The following TULP4 variants were observed in gnomAD, a reference collection of about 807,000 sequenced individuals.
The protein encoded by TULP4 is tubby-related protein 4.
TULP4 carries 16 observed loss-of-function variants against 129.0 expected under a neutral mutation model. That is an observed-to-expected ratio of 0.12 (90% CI 0.08 to 0.19). The LOEUF is 0.19. Ranked by LOEUF, TULP4 falls within the 10% of genes least tolerant of loss-of-function variation. TULP4 has a pLI of 1.00. For synonymous variants in TULP4, 998 were observed against 854.0 expected (o/e 1.17, Z -2.94); for missense variants, 1,842 against 2,059.1 (o/e 0.89, Z 2.04).
intron 1 of TULP4, chr6:158,398,374 T>C (rs964832155): frequency 1.3e-5 from 2 of 152,320 alleles, no homozygotes; most frequent in African/African-American, 4.8e-5. Flanking sequence ...CAGGCTCCTG[T>C]TGGCTAGTTC....
At chr6:158,289,570 TG>T (rs1324516775) in intron 1 of TULP4, among the ~76,000 whole-genome samples, 6 of 152,184 alleles carry the variant, frequency 3.9e-5, no homozygotes, top group Non-Finnish European at 7.3e-5. Context: ...CATAAGTTGT[TG>T]TTGTTGTTTT....
intron 3 of TULP4, among the ~76,000 whole-genome samples, chr6:158,448,269 C>T (rs1413859088): frequency 5.3e-5 from 8 of 152,198 alleles, no homozygotes; most frequent in African/African-American, 9.7e-5. Flanking sequence ...CAGCCCTCAG[C>T]ACACTGTGGT....
chr6:158,373,478 T>C (rs1012732817), intron 1 of TULP4, among the ~76,000 whole-genome samples: 2 of 152,214 alleles, frequency 1.3e-5, no homozygotes, highest in Non-Finnish European at 2.9e-5. Flanking sequence ...GTCGAATCAG[T>C]CATCGTCGTC....
At chr6:158,496,211 G>T (rs1194811927) in intron 11 of TULP4, among the ~76,000 whole-genome samples, 4 of 152,242 alleles carry the variant, frequency 2.6e-5, no homozygotes, top group South Asian at 2.1e-4. Flanking sequence ...TGTCTGCAAG[G>T]CCAGCTCAGC....
At chr6:158,386,813 T>C (rs1777460030) in intron 1 of TULP4, among the ~76,000 whole-genome samples, 2 of 152,152 alleles carry the variant, frequency 1.3e-5, no homozygotes, top group African/African-American at 2.4e-5. Context: ...AATAATAGCT[T>C]CTATCTCATA....
At chr6:158,479,628 C>A in intron 6 of TULP4, 123 bp from the exon 7 acceptor site, 1 of 880,954 alleles carries the variant, frequency 1.1e-6, no homozygotes, top group Non-Finnish European at 1.7e-6. Flanking sequence ...CTCTACTGTG[C>A]TTTTAAAACC....
intron 1 of TULP4, among the ~76,000 whole-genome samples, chr6:158,400,343 A>G (rs1177590895): frequency 6.6e-6 from 1 of 152,248 alleles, no homozygotes; most frequent in South Asian, 2.1e-4. Context: ...AAAAGTATAT[A>G]CATTACAGTC....
At chr6:158,260,107 C>T (rs1778324588) in intron 1 of TULP4, among the ~76,000 whole-genome samples, 1 of 152,178 alleles carries the variant, frequency 6.6e-6, no homozygotes, top group Non-Finnish European at 1.5e-5. Context: ...TAATCATATG[C>T]TTGGTCTTTC....
chr6:158,364,923 G>C (rs1348269388), intron 1 of TULP4, among the ~76,000 whole-genome samples: 1 of 151,978 alleles, frequency 6.6e-6, no homozygotes, highest in African/African-American at 2.4e-5. Context: ...TTTTAGTAGA[G>C]ATGGGGTTTC....
chr6:158,488,635 A>T (rs1479985550), intron 8 of TULP4, among the ~76,000 whole-genome samples: 1 of 152,212 alleles, frequency 6.6e-6, no homozygotes, highest in Non-Finnish European at 1.5e-5. Flanking sequence ...GGATGGTAAG[A>T]TCACTCACAT....
At chr6:158,243,844 ATAGGTG>A (rs949744986) in intron 1 of TULP4, among the ~76,000 whole-genome samples, 1 of 108,462 alleles carries the variant, frequency 9.2e-6, no homozygotes, top group Non-Finnish European at 1.8e-5. Flanking sequence ...ATTAGCTGAA[ATAGGTG>A]TGTGTGTGTG....
upstream of TULP4, chr6:158,312,078 C>T (rs1319015346): frequency 1.5e-5 from 6 of 397,212 alleles, no homozygotes; most frequent in South Asian, 1.3e-4. Context: ...GCCTCCCAGC[C>T]GTGAATAATC....
chr6:158,443,086 C>T lies in TULP4; in HGVS notation c.544-5910C>T, dbSNP rs928035140. On this transcript the variant is annotated intron_variant, in intron 3 of 13. Transcript: ENST00000367097. ...GCAACCTCCGCCTCCTGGGTTCAAG[C>T]GATTCTTCTGCCTCAGCCTCCCAAA... 7.2e-5 allele frequency among the ~76,000 whole-genome samples: 11 copies of T among 152,228 alleles called. No homozygotes were observed. In the East Asian group the frequency reaches 7.7e-4, roughly 11 times the overall value.
chr6:158,409,635 T>C (rs1778048120), intron 1 of TULP4, among the ~76,000 whole-genome samples: 1 of 152,144 alleles, frequency 6.6e-6, no homozygotes, highest in African/African-American at 2.4e-5. Flanking sequence ...GGAAGTAAGC[T>C]ACTGGGAGAT....
chr6:158,403,627 G>A (rs1342306979), intron 1 of TULP4, among the ~76,000 whole-genome samples: 2 of 152,096 alleles, frequency 1.3e-5, no homozygotes, highest in African/African-American at 4.8e-5. Context: ...GTTTCCGCCC[G>A]GTTTTGAACC....
At chr6:158,276,118 C>CT (rs1778641243) in intron 1 of TULP4, among the ~76,000 whole-genome samples, 1 of 151,884 alleles carries the variant, frequency 6.6e-6, no homozygotes. Flanking sequence ...TACAGGTGCG[C>CT]GCCACCATGC....
At chr6:158,281,956 A>G (rs1170438058), upstream of TULP4, among the ~76,000 whole-genome samples, 1 of 152,136 alleles carries the variant, frequency 6.6e-6, no homozygotes, top group African/African-American at 2.4e-5. Context: ...GATTTGTGTA[A>G]TCTATCCTGA....
chr6:158,398,817 T>C (rs1018182435), intron 1 of TULP4, among the ~76,000 whole-genome samples: 1 of 152,234 alleles, frequency 6.6e-6, no homozygotes, highest in Non-Finnish European at 1.5e-5. Flanking sequence ...ACAAAACCAA[T>C]GTGACCTCTC....
At chr6:158,378,707 T>A (rs1777257749) in intron 1 of TULP4, among the ~76,000 whole-genome samples, 1 of 151,964 alleles carries the variant, frequency 6.6e-6, no homozygotes, top group East Asian at 1.9e-4. Flanking sequence ...CTGGTCTTGA[T>A]CTCCTGACCT....
Sources: gnomAD v4.1 joint callset for allele counts (sites outside exome capture counted in the v4.1 genomes callset) on GRCh38, gnomAD v4.1.1 for gene constraint, MANE v1.5 for transcripts, NCBI Gene and HGNC (gene_info 2026-07-23, HGNC 2026-07-21) for gene names.